Variants in CDH18 observed in about 807,000 individuals in gnomAD.
The protein encoded by CDH18 is cadherin 18, also known as cadherin-18.
A neutral mutation model predicts 67.9 loss-of-function variants in CDH18; 31 were observed. That is an observed-to-expected ratio of 0.46 (90% CI 0.34 to 0.62). The LOEUF is 0.62. Ranked by LOEUF, CDH18 falls within the 20% of genes least tolerant of loss-of-function variation. The pLI, the probability that CDH18 is intolerant of heterozygous loss-of-function variation, is 0.01. For missense variants in CDH18, 890 were observed against 975.5 expected (o/e 0.91, Z 1.17); for synonymous variants, 362 against 347.2 (o/e 1.04, Z -0.48).
At chr5:20,104,040 A>T (rs1746707084) in intron 2 of CDH18, among the ~76,000 whole-genome samples, 1 of 150,860 alleles carries the variant, frequency 6.6e-6, no homozygotes, top group Non-Finnish European at 1.5e-5. Context: ...TATGAATATG[A>T]CTATAGATGG....
intron 1 of CDH18, among the ~76,000 whole-genome samples, chr5:20,328,841 C>T (rs1486070153): frequency 6.6e-6 from 1 of 152,100 alleles, no homozygotes; most frequent in African/African-American, 2.4e-5. Context: ...TAGTGTGGCA[C>T]ATAGTGCCTT....
chr5:20,015,538 A>G (rs1171448906), intron 2 of CDH18, among the ~76,000 whole-genome samples: 1 of 152,188 alleles, frequency 6.6e-6, no homozygotes, highest in African/African-American at 2.4e-5. Flanking sequence ...ATGGGGATTT[A>G]GAGTTAAATT....
rs75251708 is a variant in CDH18, at chr5:19,750,395, A to C, written c.229-3159T>G. Among the ~76,000 whole-genome samples, 240 of 152,222 alleles carry C rather than the reference A, an allele frequency of 1.6e-3. 1 individual carries two copies. The highest frequency in any genetic ancestry group is 5.1e-3 in the African/African-American group (214 of 41,558). On this transcript the variant is annotated intron_variant, in intron 3 of 12. Coordinates refer to ENST00000382275, the MANE Select transcript of CDH18 (RefSeq NM_004934.5). ...AGAGAAGTATTTTATTAATTTTTGT[A>C]AGCCAAAAAATGATGAATGAATGAA...
chr5:19,741,238 CA>C (rs1769116801), intron 4 of CDH18, among the ~76,000 whole-genome samples: 2 of 142,210 alleles, frequency 1.4e-5, no homozygotes, highest in African/African-American at 2.6e-5. Flanking sequence ...TATATATGTA[CA>C]TATATGTATG....
chr5:20,254,539 A>G (rs1320060984), intron 2 of CDH18, among the ~76,000 whole-genome samples: 1 of 152,252 alleles, frequency 6.6e-6, no homozygotes, highest in Non-Finnish European at 1.5e-5. Flanking sequence ...TATTTCAACT[A>G]GAACAGCCTT....
At chr5:20,285,045 A>C (rs923634049) in intron 1 of CDH18, among the ~76,000 whole-genome samples, 3 of 151,788 alleles carry the variant, frequency 2.0e-5, no homozygotes, top group African/African-American at 7.2e-5. Flanking sequence ...CATTTTGCCT[A>C]AACCGTTATA....
chr5:19,632,937 C>A (rs1422499924), intron 5 of CDH18, among the ~76,000 whole-genome samples: 2 of 152,070 alleles, frequency 1.3e-5, no homozygotes, highest in Non-Finnish European at 2.9e-5. Flanking sequence ...CATCAGCTGG[C>A]TGCAAAGATC....
intron 8 of CDH18, among the ~76,000 whole-genome samples, chr5:19,557,737 A>G (rs1738693353): frequency 1.3e-5 from 2 of 152,126 alleles, no homozygotes; most frequent in African/African-American, 4.8e-5. Context: ...ACAGGTCATG[A>G]AGACAGAAAG....
rs1554016310 is a variant in CDH18, at chr5:20,538,914, T to TTG, written c.-580+36547_-580+36548insCA. 2.2e-4 allele frequency among the ~76,000 whole-genome samples: 32 copies of TTG among 143,048 alleles called. 2 individuals carry two copies. Among genetic ancestry groups the TTG allele is most frequent in the African/African-American group, 7.8e-4 (31 of 39,772 alleles). The allele number at this position is 143,048 out of a possible 152,430, so 93.8% of individuals were successfully genotyped here. The stretch of plus-strand genomic sequence containing the variant: ...TAGCCAACTGTTTTTTTTTTGTTTT[T>TTG]TTTTTTTTTTGTCGCCCAGGCTGGA... On this transcript the variant is annotated intron_variant, in intron 1 of 14. Transcript: ENST00000507958.
chr5:19,892,831 A>G (rs1788924772), intron 2 of CDH18, among the ~76,000 whole-genome samples: 1 of 152,162 alleles, frequency 6.6e-6, no homozygotes, highest in Non-Finnish European at 1.5e-5. Context: ...GTGATCTCAT[A>G]AGAGACCCTG....
intron 1 of CDH18, chr5:20,304,712 G>A: frequency 2.5e-6 from 4 of 1,611,368 alleles, no homozygotes; most frequent in Non-Finnish European, 3.4e-6. Context: ...TTCTTGTCAG[G>A]TGTATCTTCA....
At chr5:20,398,774 T>C (rs1745501730) in intron 1 of CDH18, among the ~76,000 whole-genome samples, 1 of 150,086 alleles carries the variant, frequency 6.7e-6, no homozygotes, top group East Asian at 2.0e-4. Context: ...GGCACACGTA[T>C]ACCTACGTAG....
chr5:19,587,779 T>G (rs187637407), intron 7 of CDH18, among the ~76,000 whole-genome samples: 9 of 152,226 alleles, frequency 5.9e-5, no homozygotes, highest in Non-Finnish European at 8.8e-5. Context: ...TTCAGGTTTT[T>G]TGGTTTCATA....
chr5:20,090,167 T>C (rs939338681), intron 2 of CDH18, among the ~76,000 whole-genome samples: 1 of 152,152 alleles, frequency 6.6e-6, no homozygotes, highest in African/African-American at 2.4e-5. Flanking sequence ...ATTAGGATCT[T>C]TGAAAAAACT....
chr5:20,386,773 T>C (rs759278888), intron 1 of CDH18, among the ~76,000 whole-genome samples: 2 of 152,152 alleles, frequency 1.3e-5, no homozygotes, highest in Non-Finnish European at 2.9e-5. Context: ...TGATATTTTG[T>C]ACATTGCTGA....
intron 5 of CDH18, among the ~76,000 whole-genome samples, chr5:19,691,596 G>A (rs554026038): frequency 6.6e-6 from 1 of 151,744 alleles, no homozygotes; most frequent in South Asian, 2.1e-4. Context: ...CTAATAATGA[G>A]CTAGCTAAAA....
At chr5:20,564,207 C>G (rs549897238) in intron 1 of CDH18, among the ~76,000 whole-genome samples, 83 of 152,042 alleles carry the variant, frequency 5.5e-4, no homozygotes, top group African/African-American at 1.8e-3. Flanking sequence ...TTTCACATCC[C>G]TCCATAATCG....
intron 5 of CDH18, among the ~76,000 whole-genome samples, chr5:19,616,310 T>G (rs1749830967): frequency 6.6e-6 from 1 of 151,492 alleles, no homozygotes; most frequent in Non-Finnish European, 1.5e-5. Flanking sequence ...ATACATTGAT[T>G]CCCCCCCACC....
At chr5:20,493,807 C>T (rs7716725) in intron 1 of CDH18, among the ~76,000 whole-genome samples, 301 of 152,148 alleles carry the variant, frequency 2.0e-3, no homozygotes, top group African/African-American at 7.0e-3. Context: ...TGGGTGGATG[C>T]AAAGTGTGTG....
Sources: allele counts gnomAD v4.1 joint callset (sites outside exome capture counted in the v4.1 genomes callset), GRCh38; gene constraint gnomAD v4.1.1; transcripts MANE v1.5; gene names NCBI Gene and HGNC (gene_info 2026-07-23, HGNC 2026-07-21).